The following PPP1R42 variants were observed in gnomAD, a reference collection of about 807,000 sequenced individuals.
PPP1R42 encodes protein phosphatase 1 regulatory subunit 42, also known as leucine rich repeat containing 67.
In PPP1R42, 34 loss-of-function variants were observed where a neutral mutation model predicts 31.0. The observed-to-expected ratio is 1.10, with a 90% CI of 0.83 to 1.46. PPP1R42 has a LOEUF of 1.46. Among genes scored for constraint, PPP1R42 ranks in the 40% most tolerant of loss-of-function variants. The pLI is 0.00. For missense variants in PPP1R42, 268 were observed against 303.0 expected, an observed-to-expected ratio of 0.88 and a Z score of 0.86; for synonymous variants, 103 against 109.8, an observed-to-expected ratio of 0.94 and a Z score of 0.39.
intron 5 of PPP1R42, among the ~76,000 whole-genome samples, chr8:66,997,970 A>G (rs530584943): frequency 2.6e-5 from 4 of 152,338 alleles, no homozygotes; most frequent in African/African-American, 4.8e-5. Flanking sequence ...GTATAGATCA[A>G]TTGAAAAGGA....
At chr8:66,966,645 C>T (rs555923952) in intron 7 of PPP1R42, among the ~76,000 whole-genome samples, 50 of 151,996 alleles carry the variant, frequency 3.3e-4, no homozygotes, top group East Asian at 1.9e-4. Context: ...ACTGGCCGGG[C>T]GTGGTGGCAG....
chr8:66,964,813 A>G (rs527970197), intron 7 of PPP1R42, among the ~76,000 whole-genome samples: 1 of 152,242 alleles, frequency 6.6e-6, no homozygotes, highest in Admixed American at 6.5e-5. Flanking sequence ...CACCCTTTTC[A>G]GTGTAAATTC....
chr8:66,991,950 T>TG lies in PPP1R42; in HGVS notation c.553-3434dup, dbSNP rs576503805. The stretch of plus-strand genomic sequence containing the variant: ...GCTGCTGCTGGTCTAGGTCCCCACT[T>TG]GGAGTTGGCCTAGTCTACTGCATGG... On this transcript the variant is annotated intron_variant, in intron 5 of 7. Transcript: ENST00000685739. Among the ~76,000 whole-genome samples, 20 of 152,314 alleles carry TG rather than the reference T, an allele frequency of 1.3e-4. No homozygotes were observed. The South Asian group carries it at 4.1e-3, about 32-fold the overall frequency.
chr8:66,980,904 G>A lies in PPP1R42; in HGVS notation c.802+1145C>T, dbSNP rs542648878. Among the ~76,000 whole-genome samples, 8 of 151,784 alleles carry A rather than the reference G, an allele frequency of 5.3e-5. No homozygotes were observed. In the East Asian group the frequency reaches 5.8e-4, roughly 11 times the overall value. ...GTCGCCCAGGCTGGAGTGCAATGGC[G>A]CAATCTCAGCTCACTGCAACCTCCA... On this transcript the variant is annotated intron_variant, in intron 7 of 7. Transcript: ENST00000685739.
Position 66,984,604 on chromosome 8 carries a change from G to A in PPP1R42, c.671-2424C>T, listed in dbSNP as rs948847330. 34 of 1,182,970 alleles carry A rather than the reference G, an allele frequency of 2.9e-5. No homozygotes were observed. In the African/African-American group the frequency reaches 3.5e-4, roughly 12 times the overall value. The allele number at this position is 1,182,970 out of a possible 1,614,324, so 73.3% of individuals were successfully genotyped here. A position where few individuals can be genotyped will look rare whatever the true frequency, so the allele number is the denominator to read the frequency against. ...AATTTCTAACTCCATATACAGATAC[G>A]TGTACCCCCTGTGAAATGTCTTAAG... is the stretch of plus-strand genomic sequence containing the variant. On this transcript the variant is annotated intron_variant, in intron 6 of 7. Coordinates refer to ENST00000685739, the MANE Select transcript of PPP1R42 (RefSeq NM_001364910.1).
intron 5 of PPP1R42, among the ~76,000 whole-genome samples, chr8:66,995,939 AGAT>A (rs1026886001): frequency 5.9e-5 from 9 of 152,214 alleles, no homozygotes; most frequent in African/African-American, 2.2e-4. Flanking sequence ...CTACTATGAA[AGAT>A]GATGATTTAA....
intron 7 of PPP1R42, among the ~76,000 whole-genome samples, chr8:66,969,605 A>G (rs972047128): frequency 1.3e-5 from 2 of 152,060 alleles, no homozygotes; most frequent in African/African-American, 4.8e-5. Flanking sequence ...CTCTGCAGGG[A>G]ATAGGGGTAG....
Position 66,964,344 on chromosome 8 carries a change from TA to T in PPP1R42, c.803-11del. The T allele has an allele frequency of 8.1e-7, 1 of 1,239,310 alleles. No individual in the cohort carries two copies. Among genetic ancestry groups the T allele is most frequent in the Non-Finnish European group, 1.0e-6 (1 of 970,396 alleles). 76.8% of individuals were successfully genotyped at this position (1,239,310 alleles called of 1,614,324 possible). ...CTTCAAAGAGAGATTCCTGTATTTA[TA>T]GAGAGGGAAAAAAAAGCATTAAATT... On this transcript the variant is annotated splice_polypyrimidine_tract_variant and intron_variant, in intron 7 of 7. Transcript: ENST00000685739.
chr8:67,024,510 C>T (rs942596258), intron 1 of PPP1R42, among the ~76,000 whole-genome samples: 31 of 151,142 alleles, frequency 2.1e-4, no homozygotes, highest in African/African-American at 7.3e-4. Context: ...GAGTCTTGCT[C>T]TGTTGCCCAG....
chr8:66,966,315 C>T (rs1585953008), intron 7 of PPP1R42, among the ~76,000 whole-genome samples: 1 of 152,076 alleles, frequency 6.6e-6, no homozygotes, highest in Admixed American at 6.5e-5. Context: ...TGAGAGTCCC[C>T]AGCAGAGTAC....
rs182850574 is a variant in PPP1R42, at chr8:67,019,413, G to T, written c.-84-1582C>A. ...CCACCACCATGCCCGGCTAATTTTT[G>T]TATTTTTAGTAGACACGGGTTTCAC... On this transcript the variant is annotated intron_variant, in intron 1 of 7. Coordinates refer to ENST00000685739, the MANE Select transcript of PPP1R42 (RefSeq NM_001364910.1). 1.5e-3 allele frequency among the ~76,000 whole-genome samples: 217 copies of T among 148,646 alleles called. 5 individuals carry two copies. The East Asian group carries it at 0.04, about 27-fold the overall frequency.
chr8:66,998,967 G>A (rs1265433083), intron 5 of PPP1R42, among the ~76,000 whole-genome samples: 4 of 152,028 alleles, frequency 2.6e-5, no homozygotes, highest in African/African-American at 7.2e-5. Flanking sequence ...TTGCTTCTCT[G>A]TTCATAGGGT....
intron 5 of PPP1R42, among the ~76,000 whole-genome samples, chr8:66,998,631 A>G (rs190190273): frequency 3.9e-5 from 6 of 152,264 alleles, no homozygotes; most frequent in Admixed American, 3.9e-4. Flanking sequence ...TTTATTCTTA[A>G]TCTTAGGGAA....
chr8:66,969,276 G>T (rs1384159409), intron 7 of PPP1R42, among the ~76,000 whole-genome samples: 1 of 152,096 alleles, frequency 6.6e-6, no homozygotes. Flanking sequence ...TTTCTTCCTT[G>T]ATGATATACT....
rs1554542359 is a variant in PPP1R42, at chr8:67,018,825, C to CA, written c.-84-995_-84-994insT. On this transcript the variant is annotated intron_variant, in intron 1 of 7. Coordinates refer to ENST00000685739, the MANE Select transcript of PPP1R42 (RefSeq NM_001364910.1). ...CGTGCCTGGCCCCCGCCCCCCCCCC[C>CA]TTTTTTTTTTTTTTTTTTTTTAGGG... is the stretch of plus-strand genomic sequence containing the variant. 3.6e-3 allele frequency among the ~76,000 whole-genome samples: 175 copies of CA among 48,406 alleles called. 13 individuals carry two copies. Among genetic ancestry groups the CA allele is most frequent in the African/African-American group, 0.014 (169 of 11,700 alleles). The allele number at this position is 48,406 out of a possible 152,430, so 31.8% of individuals were successfully genotyped here.
chr8:66,972,686 G>T (rs1468763834), intron 7 of PPP1R42, among the ~76,000 whole-genome samples: 1 of 151,980 alleles, frequency 6.6e-6, no homozygotes, highest in Admixed American at 6.6e-5. Flanking sequence ...CACCGCACCT[G>T]GCCGAGACCA....
intron 7 of PPP1R42, among the ~76,000 whole-genome samples, chr8:66,970,668 A>G (rs1404389798): frequency 6.6e-6 from 1 of 152,198 alleles, no homozygotes; most frequent in Non-Finnish European, 1.5e-5. Flanking sequence ...CTCCTTTGAC[A>G]GAATCCCTGA....
At chr8:66,997,889 T>C (rs1047121242) in intron 5 of PPP1R42, among the ~76,000 whole-genome samples, 2 of 152,190 alleles carry the variant, frequency 1.3e-5, no homozygotes, top group South Asian at 2.1e-4. Context: ...CCTTTTCTTA[T>C]AAATTTTAGG....
chr8:67,025,230 C>T (rs189323629), intron 1 of PPP1R42, among the ~76,000 whole-genome samples: 1 of 152,246 alleles, frequency 6.6e-6, no homozygotes, highest in East Asian at 1.9e-4. Flanking sequence ...TAGGCATGAG[C>T]CACCATGCCT....
Sources: gnomAD v4.1 joint callset for allele counts (sites outside exome capture counted in the v4.1 genomes callset) on GRCh38, gnomAD v4.1.1 for gene constraint, MANE v1.5 for transcripts, NCBI Gene and HGNC (gene_info 2026-07-23, HGNC 2026-07-21) for gene names.